Variants in GPC6 observed in about 807,000 individuals in gnomAD.
GPC6 encodes the protein glypican 6, also known as glypican-6.
A neutral mutation model predicts 55.2 loss-of-function variants in GPC6; 14 were observed. The observed-to-expected ratio is 0.25, with a 90% CI of 0.17 to 0.40. The LOEUF is 0.40. GPC6 is among the 10% of genes least tolerant of loss of function. The probability of loss-of-function intolerance (pLI) is 1.00; values close to 1 mark genes in which losing one functional copy is unlikely to be tolerated. For synonymous variants in GPC6, 278 were observed against 259.6 expected (o/e 1.07, Z -0.68); for missense variants, 641 against 708.5 (o/e 0.90, Z 1.08).
chr13:93,516,533 C>T (rs1881199782), intron 1 of GPC6, among the ~76,000 whole-genome samples: 1 of 151,962 alleles, frequency 6.6e-6, no homozygotes, highest in Non-Finnish European at 1.5e-5. Flanking sequence ...CATAGGTTTT[C>T]AACACCAGTA....
At chr13:93,393,700 A>G (rs1014320168) in intron 1 of GPC6, among the ~76,000 whole-genome samples, 3 of 150,536 alleles carry the variant, frequency 2.0e-5, no homozygotes, top group African/African-American at 7.3e-5. Flanking sequence ...TCAATTTTCC[A>G]CCTAGAATTT....
At chr13:93,258,542 ATCCTT>A (rs1396141625) in intron 1 of GPC6, among the ~76,000 whole-genome samples, 1 of 152,088 alleles carries the variant, frequency 6.6e-6, no homozygotes, top group Non-Finnish European at 1.5e-5. Flanking sequence ...CTGTAAATAA[ATCCTT>A]TCCTGTGTAA....
intron 4 of GPC6, among the ~76,000 whole-genome samples, chr13:94,101,976 A>G (rs1391988099): frequency 6.6e-6 from 1 of 152,148 alleles, no homozygotes; most frequent in Non-Finnish European, 1.5e-5. Context: ...GGAATGAGCA[A>G]TTATCAAATG....
intron 2 of GPC6, among the ~76,000 whole-genome samples, chr13:93,796,969 G>A (rs546551586): frequency 1.1e-4 from 16 of 152,210 alleles, no homozygotes; most frequent in Non-Finnish European, 1.8e-4. Flanking sequence ...AACACAAAGG[G>A]ATGAATTGTG....
chr13:93,860,971 T>C (rs1888790531), intron 3 of GPC6, among the ~76,000 whole-genome samples: 1 of 151,428 alleles, frequency 6.6e-6, no homozygotes, highest in Non-Finnish European at 1.5e-5. Context: ...ACTTGGAACT[T>C]CTACCTTCTA....
intron 4 of GPC6, among the ~76,000 whole-genome samples, chr13:94,134,660 C>T (rs1364792025): frequency 6.6e-6 from 1 of 151,860 alleles, no homozygotes; most frequent in African/African-American, 2.4e-5. Flanking sequence ...GTTAAATAAC[C>T]CTTAGAGAAA....
intron 5 of GPC6, among the ~76,000 whole-genome samples, chr13:94,290,772 C>G (rs1566640414): frequency 6.6e-6 from 1 of 152,144 alleles, no homozygotes; most frequent in Non-Finnish European, 1.5e-5. Flanking sequence ...CTATTTATTA[C>G]TAGAATGCAA....
intron 4 of GPC6, among the ~76,000 whole-genome samples, chr13:94,232,483 A>C (rs1226713438): frequency 1.3e-5 from 2 of 152,136 alleles, no homozygotes; most frequent in African/African-American, 4.8e-5. Context: ...TAAATAGAGG[A>C]AATCTAAATT....
intron 2 of GPC6, among the ~76,000 whole-genome samples, chr13:93,689,383 C>A (rs777984473): frequency 9.9e-5 from 15 of 151,986 alleles, no homozygotes; most frequent in Non-Finnish European, 8.8e-5. Flanking sequence ...AAATGATTAT[C>A]TTTTAAATAA....
chr13:93,706,927 G>A (rs2138802752), intron 2 of GPC6, among the ~76,000 whole-genome samples: 1 of 151,914 alleles, frequency 6.6e-6, no homozygotes, highest in African/African-American at 2.4e-5. Flanking sequence ...TAGACAAGAT[G>A]AGAGGGAATT....
At chr13:93,646,466 G>A (rs1880176333) in intron 2 of GPC6, among the ~76,000 whole-genome samples, 2 of 152,022 alleles carry the variant, frequency 1.3e-5, no homozygotes, top group Admixed American at 1.3e-4. Flanking sequence ...GTTCCGTAAT[G>A]ATGTCATCAA....
chr13:94,359,156 C>T (rs1275376992), intron 6 of GPC6, among the ~76,000 whole-genome samples: 7 of 151,980 alleles, frequency 4.6e-5, no homozygotes, highest in African/African-American at 1.7e-4. Flanking sequence ...TTTTTGAGGA[C>T]AAAAGAAGCA....
chr13:93,786,258 C>T (rs1257701925), intron 2 of GPC6, among the ~76,000 whole-genome samples: 1 of 152,128 alleles, frequency 6.6e-6, no homozygotes. Context: ...ACACTGTCCA[C>T]TGGAACTTCC....
intron 2 of GPC6, among the ~76,000 whole-genome samples, chr13:93,774,948 A>T (rs1403114555): frequency 6.6e-6 from 1 of 152,168 alleles, no homozygotes; most frequent in Admixed American, 6.6e-5. Flanking sequence ...AGGAGATGCC[A>T]TCTCAGTGGA....
At chr13:93,289,859 ATTG>A (rs779230615) in intron 1 of GPC6, among the ~76,000 whole-genome samples, 1 of 152,172 alleles carries the variant, frequency 6.6e-6, no homozygotes, top group South Asian at 2.1e-4. Context: ...CATTTTCTGA[ATTG>A]TTGTACTGGT....
chr13:94,204,798 G>A (rs754845128), intron 4 of GPC6, among the ~76,000 whole-genome samples: 36 of 152,110 alleles, frequency 2.4e-4, no homozygotes, highest in Non-Finnish European at 3.2e-4. Context: ...ATAAGCAACC[G>A]TATAGAACTC....
chr13:94,112,855 A>G (rs534689343), intron 4 of GPC6, among the ~76,000 whole-genome samples: 1 of 152,176 alleles, frequency 6.6e-6, no homozygotes, highest in South Asian at 2.1e-4. Flanking sequence ...TTTCAGTTAA[A>G]CTACTGCTAC....
chr13:94,363,048 A>AC lies in GPC6; in HGVS notation c.1153-19360dup, dbSNP rs1294252178. ...TAATGCTCTCCTTCCCCTTGCCCCC[A>AC]CCCCCCGACAGGCCCTGGTGTGTGA... On this transcript the variant is annotated intron_variant, in intron 6 of 8. Coordinates refer to ENST00000377047, the MANE Select transcript of GPC6 (RefSeq NM_005708.5). Among the ~76,000 whole-genome samples the AC allele has an allele frequency of 2.0e-5, 3 of 149,496 alleles. No individual in the cohort carries two copies. The East Asian group carries it at 5.9e-4, about 29-fold the overall frequency.
intron 1 of GPC6, among the ~76,000 whole-genome samples, chr13:93,536,094 G>A (rs9584123): frequency 0.29 from 43,231 of 151,676 alleles, 6,285 homozygotes; most frequent in African/African-American, 0.34. Flanking sequence ...GGGAACACGG[G>A]ACTAGCATCC....
Sources: gnomAD v4.1 joint callset for allele counts (sites outside exome capture counted in the v4.1 genomes callset) on GRCh38, gnomAD v4.1.1 for gene constraint, MANE v1.5 for transcripts, NCBI Gene and HGNC (gene_info 2026-07-23, HGNC 2026-07-21) for gene names.